The following NRG3 variants were observed in gnomAD, a reference collection of about 807,000 sequenced individuals.
The protein encoded by NRG3 is neuregulin 3.
Under a neutral mutation model 66.9 loss-of-function variants are expected in NRG3, and 31 were observed. The observed-to-expected ratio is 0.46, with a 90% CI of 0.35 to 0.63. NRG3 has a LOEUF of 0.63. NRG3 is among the 20% of genes least tolerant of loss of function. The probability of loss-of-function intolerance (pLI) is 0.00; values close to 1 mark genes in which losing one functional copy is unlikely to be tolerated. For synonymous variants in NRG3, 393 were observed against 359.4 expected (o/e 1.09, Z -1.06); for missense variants, 910 against 878.9 (o/e 1.04, Z -0.45).
At chr10:82,162,963 C>T (rs957314096) in intron 1 of NRG3, among the ~76,000 whole-genome samples, 6 of 152,042 alleles carry the variant, frequency 3.9e-5, no homozygotes, top group African/African-American at 1.4e-4. Flanking sequence ...AACTAGTTGG[C>T]AGGGTGACAG....
chr10:82,703,949 AT>A (rs1275617895), intron 2 of NRG3, among the ~76,000 whole-genome samples: 1 of 151,874 alleles, frequency 6.6e-6, no homozygotes, highest in African/African-American at 2.4e-5. Flanking sequence ...CTACCTTTTA[AT>A]TTTTTTTAAC....
At chr10:82,967,378 C>T (rs914665648) in intron 6 of NRG3, among the ~76,000 whole-genome samples, 2 of 152,048 alleles carry the variant, frequency 1.3e-5, no homozygotes, top group Non-Finnish European at 2.9e-5. Flanking sequence ...ACCCTCCTCC[C>T]GTTGCTTATT....
chr10:82,741,410 A>C (rs1200589833), intron 3 of NRG3, among the ~76,000 whole-genome samples: 1 of 152,184 alleles, frequency 6.6e-6, no homozygotes, highest in African/African-American at 2.4e-5. Context: ...TCAGGCTTTC[A>C]CTTGAGCAAT....
At chr10:81,900,605 T>G (rs991183153) in intron 1 of NRG3, among the ~76,000 whole-genome samples, 3 of 152,212 alleles carry the variant, frequency 2.0e-5, no homozygotes, top group Non-Finnish European at 4.4e-5. Context: ...TTTAGCTGAA[T>G]TCCTGGAAAA....
chr10:82,117,856 C>A (rs915524595), intron 1 of NRG3, among the ~76,000 whole-genome samples: 3 of 152,118 alleles, frequency 2.0e-5, no homozygotes, highest in African/African-American at 7.2e-5. Flanking sequence ...GTATTTGTTG[C>A]CATTTGTTTT....
chr10:81,954,184 G>A (rs1318174751), intron 1 of NRG3, among the ~76,000 whole-genome samples: 2 of 152,168 alleles, frequency 1.3e-5, no homozygotes, highest in Admixed American at 6.6e-5. Context: ...GGTGGTAAGA[G>A]CAGAGTTAAT....
At chr10:82,251,494 G>A (rs1447624621) in intron 1 of NRG3, among the ~76,000 whole-genome samples, 1 of 152,026 alleles carries the variant, frequency 6.6e-6, no homozygotes, top group East Asian at 1.9e-4. Context: ...CAGACTGCCT[G>A]GCTTCAGTGC....
chr10:82,464,921 T>C (rs999416665), intron 2 of NRG3, among the ~76,000 whole-genome samples: 2 of 152,144 alleles, frequency 1.3e-5, no homozygotes, highest in Admixed American at 6.5e-5. Flanking sequence ...CCAAATCTCC[T>C]GGGCAAGAGG....
At chr10:82,865,528 GA>G in intron 4 of NRG3, 91 bp downstream of exon 4, 16 of 1,312,180 alleles carry the variant, frequency 1.2e-5, no homozygotes, top group Non-Finnish European at 1.7e-5. Flanking sequence ...GGTTATAATT[GA>G]AATGTCTCAT....
chr10:82,736,011 A>G (rs2058136910), intron 2 of NRG3, among the ~76,000 whole-genome samples: 1 of 152,198 alleles, frequency 6.6e-6, no homozygotes, highest in Non-Finnish European at 1.5e-5. Context: ...CTACACATGT[A>G]CTTCTTAATG....
At chr10:82,893,199 C>G (rs1843324502) in intron 4 of NRG3, among the ~76,000 whole-genome samples, 1 of 152,110 alleles carries the variant, frequency 6.6e-6, no homozygotes, top group Non-Finnish European at 1.5e-5. Context: ...TAACAACATT[C>G]TAGTGCATAA....
intron 1 of NRG3, among the ~76,000 whole-genome samples, chr10:82,197,411 C>T (rs1184165821): frequency 1.3e-5 from 2 of 152,090 alleles, no homozygotes; most frequent in African/African-American, 4.8e-5. Context: ...GTTAGGCACA[C>T]AACTCTCCCA....
intron 1 of NRG3, among the ~76,000 whole-genome samples, chr10:81,941,931 C>A (rs184416560): frequency 6.6e-4 from 100 of 152,222 alleles, no homozygotes; most frequent in African/African-American, 2.3e-3. Context: ...AAGAAACAAA[C>A]CATTGGACTA....
intron 4 of NRG3, among the ~76,000 whole-genome samples, chr10:82,907,293 A>T (rs1469079796): frequency 6.6e-6 from 1 of 152,170 alleles, no homozygotes; most frequent in African/African-American, 2.4e-5. Flanking sequence ...ATACAGAAAA[A>T]TTTTGGAAGA....
At chr10:82,691,261 T>A (rs991021142) in intron 2 of NRG3, among the ~76,000 whole-genome samples, 9 of 152,234 alleles carry the variant, frequency 5.9e-5, no homozygotes, top group Non-Finnish European at 2.9e-5. Context: ...ACAAAGCTTT[T>A]ATGAAGGGCT....
intron 4 of NRG3, among the ~76,000 whole-genome samples, chr10:82,933,158 G>GT (rs1847744106): frequency 6.6e-6 from 1 of 152,192 alleles, no homozygotes; most frequent in Admixed American, 6.5e-5. Flanking sequence ...CCAGGCAGCA[G>GT]TAGAGGCATT....
At chr10:82,363,402 G>A (rs912658921) in intron 2 of NRG3, among the ~76,000 whole-genome samples, 1 of 152,166 alleles carries the variant, frequency 6.6e-6, no homozygotes, top group Admixed American at 6.5e-5. Context: ...AATATTTTTT[G>A]TAGGTAATAT....
intron 3 of NRG3, among the ~76,000 whole-genome samples, chr10:82,781,298 C>A (rs971053012): frequency 6.6e-6 from 1 of 152,162 alleles, no homozygotes; most frequent in Non-Finnish European, 1.5e-5. Flanking sequence ...ATCTTTCTTT[C>A]TATAGCTCAA....
intron 3 of NRG3, among the ~76,000 whole-genome samples, chr10:82,744,410 C>T (rs946875352): frequency 2.0e-5 from 3 of 152,166 alleles, no homozygotes; most frequent in Middle Eastern, 3.2e-3. Context: ...GGTGCATTCT[C>T]TGTTTCCTTA....
Sources: gnomAD v4.1 joint callset for allele counts (sites outside exome capture counted in the v4.1 genomes callset) on GRCh38, gnomAD v4.1.1 for gene constraint, MANE v1.5 for transcripts, NCBI Gene and HGNC (gene_info 2026-07-23, HGNC 2026-07-21) for gene names.